Variants in OTOGL observed in about 807,000 individuals in gnomAD.
OTOGL encodes the protein otogelin-like protein.
In OTOGL, 285 loss-of-function variants were observed where a neutral mutation model predicts 318.5. The ratio of observed to expected loss-of-function variants is 0.89; its 90% CI spans 0.81 to 0.99. OTOGL has a LOEUF of 0.99. Ranked by LOEUF, OTOGL falls within the 50% of genes least tolerant of loss-of-function variation. OTOGL has a pLI of 0.00. For missense variants in OTOGL, 2,899 were observed against 2,845.6 expected, an observed-to-expected ratio of 1.02 and a Z score of -0.43; for synonymous variants, 987 against 936.5, an observed-to-expected ratio of 1.05 and a Z score of -0.99.
At chr12:80,106,607 A>T (rs1266550540) in intron 1 of OTOGL, among the ~76,000 whole-genome samples, 3 of 152,204 alleles carry the variant, frequency 2.0e-5, no homozygotes, top group East Asian at 3.9e-4. Context: ...CTCATGAAAC[A>T]TACGCACACA....
In OTOGL at chr12:80,336,494, T is replaced by C; in HGVS notation, c.4682T>C (p.Ile1561Thr). Residue 1561 changes from isoleucine to threonine, a missense_variant, in exon 40 of 59, where the codon ATC becomes ACC. This residue lies in a region of OTOGL where 2,607 missense variants were observed against 2,524.9 expected (regional missense o/e 1.03). Coordinates refer to ENST00000547103, the MANE Select transcript of OTOGL (RefSeq NM_001378609.3). ...NAALYSMASY[I>T]LVRIPGEIIV... The stretch of plus-strand genomic sequence containing the variant: ...GCATTATATAGCATGGCTTCTTATA[T>C]CTTAGTAAGAATTCCTGGTGAAATT... 6.2e-7 allele frequency: 1 copy of C among 1,608,744 alleles called. No homozygotes were observed. Among genetic ancestry groups the C allele is most frequent in the Non-Finnish European group, 8.5e-7 (1 of 1,175,608 alleles).
intron 1 of OTOGL, among the ~76,000 whole-genome samples, chr12:80,202,930 C>T (rs1423008973): frequency 6.6e-6 from 1 of 152,194 alleles, no homozygotes; most frequent in East Asian, 1.9e-4. Context: ...TCCACTTCTG[C>T]TGGACCACAA....
intron 49 of OTOGL, among the ~76,000 whole-genome samples, chr12:80,357,264 T>C (rs1663106786): frequency 6.6e-6 from 1 of 152,170 alleles, no homozygotes; most frequent in Non-Finnish European, 1.5e-5. Flanking sequence ...TCATAGGACG[T>C]CTTTAAAACT....
intron 29 of OTOGL, among the ~76,000 whole-genome samples, chr12:80,308,856 A>G (rs1033177434): frequency 6.6e-6 from 1 of 152,164 alleles, no homozygotes; most frequent in Non-Finnish European, 1.5e-5. Flanking sequence ...AATCGCAGGC[A>G]CTCGGCAAGC....
At chr12:80,272,342 ATGTGTG>A (rs56364698) in intron 24 of OTOGL, among the ~76,000 whole-genome samples, 11,252 of 145,428 alleles carry the variant, frequency 0.077, 490 homozygotes, top group Middle Eastern at 0.11. Flanking sequence ...AGGCATTGTG[ATGTGTG>A]TGTGTGTGTG....
At chr12:80,123,679 C>T in intron 1 of OTOGL, among the ~76,000 whole-genome samples, 1 of 152,036 alleles carries the variant, frequency 6.6e-6, no homozygotes, top group Non-Finnish European at 1.5e-5. Flanking sequence ...TCCCATTTCT[C>T]CACATCCTCT....
rs370314692 is a variant in OTOGL at position 80,310,727 on chromosome 12, G to A, written c.3450G>A (p.Val1150=). The A allele has an allele frequency of 1.3e-6, 2 of 1,543,464 alleles. No individual in the cohort carries two copies. The highest frequency in any genetic ancestry group is 1.8e-6 in the Non-Finnish European group (2 of 1,129,178). ...ATATTTTTGCTTCTTGTCGCAATGT[G>A]GTAAATGAATACTTTAATGAACTCT... ...YSDIFASCRN[V]IDVTSFAKNC... Residue 1150 remains valine, a splice_region_variant and synonymous_variant, in exon 30 of 59, where the codon GTG becomes GTA. Coordinates refer to ENST00000547103, the MANE Select transcript of OTOGL (RefSeq NM_001378609.3).
chr12:80,294,974 C>A (rs1885284881), intron 26 of OTOGL, among the ~76,000 whole-genome samples: 1 of 151,926 alleles, frequency 6.6e-6, no homozygotes, highest in South Asian at 2.1e-4. Flanking sequence ...GCTGTAGTCT[C>A]TCTCCCAGCT....
At chr12:80,148,933 A>G (rs955118957) in intron 1 of OTOGL, among the ~76,000 whole-genome samples, 21 of 152,000 alleles carry the variant, frequency 1.4e-4, no homozygotes, top group African/African-American at 3.6e-4. Context: ...CTCTGTATTG[A>G]TTATTCTAGT....
chr12:80,110,345 G>T (rs1428537675), intron 1 of OTOGL, among the ~76,000 whole-genome samples: 1 of 152,062 alleles, frequency 6.6e-6, no homozygotes, highest in Admixed American at 6.5e-5. Context: ...GGGATTACGG[G>T]TGTCAGCCAC....
intron 7 of OTOGL, among the ~76,000 whole-genome samples, chr12:80,223,146 A>G (rs980997825): frequency 6.6e-6 from 1 of 151,980 alleles, no homozygotes; most frequent in East Asian, 1.9e-4. Flanking sequence ...TTGGTTTTCT[A>G]TTCCCAAGTT....
rs181083773 is a variant in OTOGL, at chr12:80,316,789, A to G, written c.3635-1757A>G. ...GGAAAGTGATAATAAATAGAAAATA[A>G]TTCTAAATGGTTATTCTTAATTTGT... is the stretch of plus-strand genomic sequence containing the variant. On this transcript the variant is annotated intron_variant, in intron 32 of 58. Coordinates refer to ENST00000547103, the MANE Select transcript of OTOGL (RefSeq NM_001378609.3). Among the ~76,000 whole-genome samples the G allele has an allele frequency of 5.5e-3, 842 of 152,302 alleles. 6 individuals are homozygous for G. The highest frequency in any genetic ancestry group is 0.019 in the African/African-American group (803 of 41,578).
rs1244292847 is a variant in OTOGL at position 80,209,472 on chromosome 12, G to T, written c.41G>T (p.Ser14Ile). ...VRKLNLMIPW[S>I]IFLLHVLLFS... ...AAACTCAATTTAATGATACCTTGGA[G>T]TATATTCTTGCTTCATGTACTGCTG... The change falls in exon 2 of 59, where the codon AGT becomes ATT. Residue 14 changes from serine to isoleucine, a missense_variant. By Grantham distance (142) the Ser-to-Ile change is moderately radical (BLOSUM62 -2). Transcript: ENST00000547103. 1.3e-6 allele frequency: 2 copies of T among 1,514,436 alleles called. No homozygotes were observed. Among genetic ancestry groups the T allele is most frequent in the Non-Finnish European group, 1.8e-6 (2 of 1,131,430 alleles). 93.8% of individuals were successfully genotyped at this position (1,514,436 alleles called of 1,614,324 possible).
intron 1 of OTOGL, among the ~76,000 whole-genome samples, chr12:80,140,165 C>A (rs541797266): frequency 6.6e-6 from 1 of 152,298 alleles, no homozygotes; most frequent in African/African-American, 2.4e-5. Flanking sequence ...TACCTCATTT[C>A]TCATGTGGAT....
chr12:80,254,171 G>A (rs1881817243), intron 14 of OTOGL, among the ~76,000 whole-genome samples: 2 of 151,944 alleles, frequency 1.3e-5, no homozygotes, highest in African/African-American at 4.8e-5. Flanking sequence ...TCACACCTTT[G>A]TCAGGGTGGA....
intron 37 of OTOGL, among the ~76,000 whole-genome samples, chr12:80,330,353 C>T (rs1183589658): frequency 2.0e-5 from 3 of 152,108 alleles, no homozygotes; most frequent in African/African-American, 7.2e-5. Flanking sequence ...GAGGTTTACC[C>T]TTCTAGAGAT....
chr12:80,310,874 T>G, intron 30 of OTOGL, 147 bp downstream of exon 30: 1 of 591,528 alleles, frequency 1.7e-6, no homozygotes, highest in Non-Finnish European at 2.8e-6. Context: ...TGTGTTAGTT[T>G]GTTTTTCTGT....
At chr12:80,344,792 C>T (rs1407485057) in intron 44 of OTOGL, among the ~76,000 whole-genome samples, 2 of 150,964 alleles carry the variant, frequency 1.3e-5, no homozygotes, top group East Asian at 3.9e-4. Context: ...CCATCAAGAT[C>T]CTCATTAAAC....
At position 80,241,249 on chromosome 12, in the gene OTOGL, C is replaced by A. The variant is rs1880350506; in HGVS notation, c.1052+1810C>A. The stretch of plus-strand genomic sequence containing the variant: ...GATACTAAAATAAGCTTATTTGTGA[C>A]ATCTCTTACTTTTGAATAGAGTGCA... On this transcript the variant is annotated intron_variant, in intron 11 of 58. Coordinates refer to ENST00000547103, the MANE Select transcript of OTOGL (RefSeq NM_001378609.3). 2.0e-5 allele frequency among the ~76,000 whole-genome samples: 3 copies of A among 152,136 alleles called. 1 individual carries two copies. The South Asian group carries it at 6.2e-4, about 32-fold the overall frequency.
Sources: allele counts gnomAD v4.1 joint callset (sites outside exome capture counted in the v4.1 genomes callset), GRCh38; gene constraint gnomAD v4.1.1; regional missense constraint gnomAD v4.1.1; transcripts MANE v1.5; gene names NCBI Gene and HGNC (gene_info 2026-07-23, HGNC 2026-07-21).